Variants in FRMD7 observed in about 807,000 individuals in gnomAD.
FRMD7 encodes FERM domain containing 7.
Under a neutral mutation model 44.1 loss-of-function variants are expected in FRMD7, and 14 were observed. That is an observed-to-expected ratio of 0.32 (90% CI 0.21 to 0.50). The LOEUF (loss-of-function observed/expected upper bound fraction) is 0.50. Among genes scored for constraint, FRMD7 ranks in the 20% least tolerant of loss-of-function variants. FRMD7 has a pLI of 0.99. For synonymous variants in FRMD7, 212 were observed against 187.4 expected (o/e 1.13, Z -1.07); for missense variants, 501 against 522.3 (o/e 0.96, Z 0.40).
At chrX:132,097,468 C>G in intron 3 of FRMD7, 124 bp from the exon 4 acceptor site, 1 of 539,855 alleles carries the variant, frequency 1.9e-6, no homozygotes, top group East Asian at 3.3e-5. Flanking sequence ...CCCTCCCCAT[C>G]ACTCCCTCCT....
chrX:132,120,963 T>C (rs1210353353), intron 1 of FRMD7, among the ~76,000 whole-genome samples: 1 of 112,224 alleles, frequency 8.9e-6, no homozygotes, highest in African/African-American at 3.2e-5. Context: ...TGGAACGTTA[T>C]GATTCCAGGA....
chrX:132,080,061 T>C lies in FRMD7; in HGVS notation c.995A>G (p.Tyr332Cys), dbSNP rs770328478. Residue 332 changes from tyrosine (Y) to cysteine (C), a missense_variant, in exon 11 of 12, where the codon TAC (tyrosine) becomes TGC (cysteine). By Grantham distance (194) the Tyr-to-Cys change is radical. Coordinates refer to ENST00000298542, the MANE Select transcript of FRMD7 (RefSeq NM_194277.3). ...PFERKHYPSQ[Y>C]HERQCRSSPD... ...TGAGGACCTGCACTGTCGTTCATGGTACTGAGATGGGTAATGTTTCCTGAA... is the reference window on the plus strand; with the variant it reads ...TGAGGACCTGCACTGTCGTTCATGGCACTGAGATGGGTAATGTTTCCTGAA... 2 of 1,199,214 alleles carry C rather than the reference T, an allele frequency of 1.7e-6. No individual in the cohort carries two copies. The highest frequency in any genetic ancestry group is 1.1e-6 in the Non-Finnish European group (1 of 884,029).
rs371394054 is a variant in FRMD7 at position 132,111,630 on chromosome X, C to G, written c.58-10914G>C. On this transcript the variant is annotated intron_variant, in intron 1 of 11. Transcript: ENST00000298542. ...TGAACTAGTTCCTTCTGGCTAATTTCCATCAGTCTTTTACTCTTCAAATCC... is the reference window on the plus strand; with the variant it reads ...TGAACTAGTTCCTTCTGGCTAATTTGCATCAGTCTTTTACTCTTCAAATCC... Among the ~76,000 whole-genome samples, 6 of 112,054 alleles carry G rather than the reference C, an allele frequency of 5.4e-5. No individual in the cohort carries two copies. The East Asian group carries it at 1.4e-3, about 26-fold the overall frequency.
Position 132,122,041 on chromosome X carries a change from C to A in FRMD7, c.57+5747G>T, listed in dbSNP as rs1304844320. On this transcript the variant is annotated intron_variant, in intron 1 of 11. Transcript: ENST00000298542. ...GAAATGGGGGAGCACAGCTCTATTA[C>A]CTGGAGGTGGGTTGCAAAATCAAGC... Among the ~76,000 whole-genome samples, 4 of 111,697 alleles carry A rather than the reference C, an allele frequency of 3.6e-5. No individual in the cohort carries two copies. The Admixed American group carries it at 3.8e-4, about 11-fold the overall frequency.
At chrX:132,102,619 A>G (rs926386438) in intron 1 of FRMD7, among the ~76,000 whole-genome samples, 1 of 109,517 alleles carries the variant, frequency 9.1e-6, no homozygotes, top group African/African-American at 3.3e-5. Context: ...AGGAGCTGCC[A>G]TGGGATTTTT....
intron 1 of FRMD7, among the ~76,000 whole-genome samples, chrX:132,111,466 T>C (rs769145857): frequency 2.7e-5 from 3 of 111,724 alleles, no homozygotes; most frequent in African/African-American, 9.8e-5. Context: ...TTCTGGTCTT[T>C]TGGTGAACCT....
At chrX:132,110,699 A>G (rs1020526593) in intron 1 of FRMD7, among the ~76,000 whole-genome samples, 3 of 112,138 alleles carry the variant, frequency 2.7e-5, no homozygotes, top group Non-Finnish European at 5.6e-5. Context: ...ACACCAACCT[A>G]TCTGAGAGTG....
intron 1 of FRMD7, among the ~76,000 whole-genome samples, chrX:132,111,244 G>T (rs1446323419): frequency 8.9e-6 from 1 of 111,821 alleles, no homozygotes; most frequent in African/African-American, 3.2e-5. Context: ...TTTTAATTTT[G>T]TTTTTAAATT....
At chrX:132,090,837 G>A (rs1258677012) in intron 5 of FRMD7, among the ~76,000 whole-genome samples, 3 of 111,200 alleles carry the variant, frequency 2.7e-5, no homozygotes, top group Admixed American at 1.9e-4. Flanking sequence ...ACATAAGACT[G>A]TGCTTTTTTT....
Position 132,084,540 on chromosome X carries a change from A to C in FRMD7, c.691T>G (p.Leu231Val), listed in dbSNP as rs387906720. The part of the protein sequence containing the change: ...NTFNWAKIRK[L>V]SFKRKHFLIK... Reference sequence around the variant, plus strand: ...AGAAAATGCTTTCTCTTAAAACTCAACTTGCGGATTTTAGCCCAGTTAAAA... The same window carrying C: ...AGAAAATGCTTTCTCTTAAAACTCACCTTGCGGATTTTAGCCCAGTTAAAA... Residue 231 changes from leucine to valine, a missense_variant, in exon 8 of 12, where the codon TTG becomes GTG. Around this residue, in one of 3 missense-constraint regions of FRMD7, gnomAD observed 453 missense variants for 452.7 expected, o/e 1.00. Coordinates refer to ENST00000298542, the MANE Select transcript of FRMD7 (RefSeq NM_194277.3). The C allele has an allele frequency of 8.4e-7, 1 of 1,187,230 alleles. No homozygotes were observed. Among genetic ancestry groups the C allele is most frequent in the Non-Finnish European group, 1.1e-6 (1 of 873,885 alleles).
chrX:132,091,887 A>G (rs1928186427), intron 5 of FRMD7, among the ~76,000 whole-genome samples: 1 of 111,891 alleles, frequency 8.9e-6, no homozygotes, highest in African/African-American at 3.3e-5. Context: ...GAAGAAAAGA[A>G]TAAAATTTAA....
intron 1 of FRMD7, among the ~76,000 whole-genome samples, chrX:132,105,506 AT>A (rs1207666400): frequency 9.0e-6 from 1 of 111,645 alleles, no homozygotes; most frequent in Non-Finnish European, 1.9e-5. Context: ...TAGAAAAAAA[AT>A]TTTTTTAAAT....
chrX:132,087,091 TG>T (rs1252109744), intron 5 of FRMD7, among the ~76,000 whole-genome samples: 1 of 112,239 alleles, frequency 8.9e-6, no homozygotes, highest in Non-Finnish European at 1.9e-5. Flanking sequence ...TAACCTTAAT[TG>T]CCTCAGATTG....
intron 5 of FRMD7, among the ~76,000 whole-genome samples, chrX:132,092,034 C>T (rs1928191607): frequency 8.9e-6 from 1 of 111,735 alleles, no homozygotes; most frequent in African/African-American, 3.3e-5. Context: ...CTGATTTTCC[C>T]CCGCTGCCAA....
In FRMD7 at chrX:132,078,615, G is replaced by GCA; in HGVS notation, c.1400_1401dup (p.Arg468CysfsTer7). 8.3e-7 allele frequency: 1 copy of GCA among 1,210,292 alleles called. No individual in the cohort carries two copies. Among genetic ancestry groups the GCA allele is most frequent in the African/African-American group, 1.7e-5 (1 of 57,764 alleles). The stretch of plus-strand genomic sequence containing the variant: ...GTGTAAGTTAGCTGCTTTGCTGGAC[G>GCA]CACTTTGCTTGTGAGGCCAGAATAT... On this transcript the variant is annotated frameshift_variant, in exon 12 of 12. Transcript: ENST00000298542. LOFTEE classifies it high-confidence loss of function.
Position 132,091,541 on chromosome X carries a change from T to C in FRMD7, c.382+2501A>G, listed in dbSNP as rs373278922. 6.7e-4 allele frequency among the ~76,000 whole-genome samples: 75 copies of C among 111,329 alleles called. 1 individual carries two copies. The East Asian group carries it at 0.019, about 28-fold the overall frequency. ...GTCCACCTTATTTAAATATTTATGC[T>C]GGCTGGGCACTGTGGCTTACGCGTG... On this transcript the variant is annotated intron_variant, in intron 5 of 11. Transcript: ENST00000298542.
chrX:132,110,033 A>G (rs936288098), intron 1 of FRMD7, among the ~76,000 whole-genome samples: 19 of 111,182 alleles, frequency 1.7e-4, no homozygotes, highest in Non-Finnish European at 2.8e-4. Flanking sequence ...TGACAAGGTC[A>G]GAGTTGTGTC....
intron 11 of FRMD7, 45 bp downstream of exon 11, chrX:132,079,961 C>T (rs1286750818): frequency 1.1e-6 from 1 of 887,494 alleles, no homozygotes; most frequent in Non-Finnish European, 1.7e-6. Flanking sequence ...GAAATTTGCA[C>T]AAATTACATT....
intron 1 of FRMD7, among the ~76,000 whole-genome samples, chrX:132,112,412 C>T (rs779675028): frequency 2.7e-5 from 3 of 111,012 alleles, no homozygotes; most frequent in Non-Finnish European, 3.8e-5. Context: ...GAACCAAGGC[C>T]CTTTCCCTAG....
Sources: allele counts gnomAD v4.1 joint callset (sites outside exome capture counted in the v4.1 genomes callset), GRCh38; gene constraint gnomAD v4.1.1; regional missense constraint gnomAD v4.1.1; transcripts MANE v1.5; gene names NCBI Gene and HGNC (gene_info 2026-07-23, HGNC 2026-07-21).